The following SPINK6 variants were observed in gnomAD, a reference collection of about 807,000 sequenced individuals.
The protein encoded by SPINK6 is serine peptidase inhibitor Kazal type 6.
Under a neutral mutation model 11.7 loss-of-function variants are expected in SPINK6, and 13 were observed. The ratio of observed to expected loss-of-function variants is 1.11; its 90% CI spans 0.72 to 1.76. The LOEUF (loss-of-function observed/expected upper bound fraction) is 1.76, where lower values mean the gene tolerates loss of function less well. Ranked by LOEUF, SPINK6 falls within the 40% of genes most tolerant of loss-of-function variation. The pLI is 0.00. For missense variants in SPINK6, 98 were observed against 93.7 expected (o/e 1.05, Z -0.19); for synonymous variants, 21 against 31.9 (o/e 0.66, Z 1.15).
intron 2 of SPINK6, 79 bp downstream of exon 2, chr5:148,206,137 T>G: frequency 6.6e-7 from 1 of 1,519,000 alleles, no homozygotes; most frequent in Non-Finnish European, 9.1e-7. Flanking sequence ...GAAATTTGTC[T>G]ATGGTTAACA....
intron 2 of SPINK6, among the ~76,000 whole-genome samples, chr5:148,211,762 A>T (rs1417000951): frequency 6.6e-6 from 1 of 152,184 alleles, no homozygotes; most frequent in African/African-American, 2.4e-5. Context: ...TTCATATGCC[A>T]CTTGATTGAT....
chr5:148,214,864 C>T (rs777796576), intron 3 of SPINK6, 41 bp from the exon 4 acceptor site: 43 of 1,528,168 alleles, frequency 2.8e-5, no homozygotes, highest in Non-Finnish European at 3.9e-5. Flanking sequence ...TGAGTACTTA[C>T]GATATTGCAC....
At chr5:148,212,658 T>A (rs1224126419) in intron 2 of SPINK6, among the ~76,000 whole-genome samples, 1 of 110,302 alleles carries the variant, frequency 9.1e-6, no homozygotes, top group South Asian at 2.4e-4. Flanking sequence ...ATATATATAT[T>A]TATATATTTA....
chr5:148,211,433 T>C (rs1755596048), intron 2 of SPINK6, among the ~76,000 whole-genome samples: 1 of 152,178 alleles, frequency 6.6e-6, no homozygotes. Context: ...GTAGTTAGCA[T>C]AGACCTGTAA....
chr5:148,212,397 G>A (rs1229948022), intron 2 of SPINK6, among the ~76,000 whole-genome samples: 1 of 147,026 alleles, frequency 6.8e-6, no homozygotes, highest in Non-Finnish European at 1.5e-5. Context: ...TTGGAAGGCT[G>A]AGGTGGGAAG....
chr5:148,206,135 T>C, intron 2 of SPINK6, 77 bp downstream of exon 2: 3 of 1,539,028 alleles, frequency 1.9e-6, no homozygotes, highest in Non-Finnish European at 2.7e-6. Context: ...AAGAAATTTG[T>C]CTATGGTTAA....
chr5:148,203,081 T>C lies in SPINK6; in HGVS notation c.-16T>C. On this transcript the variant is annotated 5_prime_UTR_variant, in exon 1 of 4. Coordinates refer to ENST00000325630, the MANE Select transcript of SPINK6 (RefSeq NM_205841.4). ...CTGGACAAAGCAGCCTTGATCTGAG[T>C]GAGCTAACTGACACAATGAAACTGT... 1.3e-6 allele frequency: 2 copies of C among 1,593,840 alleles called. No homozygotes were observed. Among genetic ancestry groups the C allele is most frequent in the South Asian group, 2.3e-5 (2 of 88,582 alleles).
At chr5:148,204,247 G>T (rs193125723) in intron 1 of SPINK6, among the ~76,000 whole-genome samples, 2 of 152,012 alleles carry the variant, frequency 1.3e-5, no homozygotes, top group Admixed American at 1.3e-4. Flanking sequence ...ATGGGTAAAG[G>T]ATTCCTGTGA....
chr5:148,214,829 T>C lies in SPINK6; in HGVS notation c.198-76T>C. 2.6e-6 allele frequency: 3 copies of C among 1,140,938 alleles called. No individual in the cohort carries two copies. The African/African-American group carries it at 4.6e-5, about 18-fold the overall frequency. The allele number at this position is 1,140,938 out of a possible 1,614,324, so 70.7% of individuals were successfully genotyped here. ...AATAATTAAATGGACCATGCCATTG[T>C]TAAATATGTTTAGAACTTCTATGGT... is the stretch of plus-strand genomic sequence containing the variant. On this transcript the variant is annotated intron_variant, in intron 3 of 3. Transcript: ENST00000325630.
chr5:148,203,365 G>C (rs568769337), intron 1 of SPINK6, among the ~76,000 whole-genome samples: 14 of 152,138 alleles, frequency 9.2e-5, no homozygotes, highest in African/African-American at 3.4e-4. Flanking sequence ...CTATATTCTA[G>C]GCATGTACGA....
At chr5:148,214,707 G>A (rs1017816074) in intron 3 of SPINK6, among the ~76,000 whole-genome samples, 198 bp from the exon 4 acceptor site, 9 of 152,118 alleles carry the variant, frequency 5.9e-5, no homozygotes, top group Non-Finnish European at 1.3e-4. Context: ...TCTGAAATTT[G>A]TTTAAGATTC....
intron 3 of SPINK6, among the ~76,000 whole-genome samples, chr5:148,214,239 TTTG>T (rs1214399256): frequency 6.6e-6 from 1 of 152,216 alleles, no homozygotes; most frequent in African/African-American, 2.4e-5. Flanking sequence ...ATCGCTTTGC[TTTG>T]TTATTATTAA....
intron 2 of SPINK6, 81 bp downstream of exon 2, chr5:148,206,139 T>C (rs987647031): frequency 6.0e-6 from 9 of 1,500,274 alleles, no homozygotes; most frequent in African/African-American, 1.4e-5. Flanking sequence ...AATTTGTCTA[T>C]GGTTAACAGA....
upstream of SPINK6, chr5:148,202,795 T>C (rs2113303431): frequency 3.7e-6 from 1 of 273,520 alleles, no homozygotes; most frequent in Middle Eastern, 1.1e-3. Context: ...CCCTATAATG[T>C]AGTGAAACTT....
At chr5:148,214,867 T>C (rs2113320830) in intron 3 of SPINK6, 38 bp from the exon 4 acceptor site, 1 of 1,548,010 alleles carries the variant, frequency 6.5e-7, no homozygotes. Flanking sequence ...GTACTTACGA[T>C]ATTGCACTGA....
In SPINK6 at chr5:148,214,999, T is replaced by C; in HGVS notation, c.*49T>C. The C allele has an allele frequency of 6.4e-7, 1 of 1,564,088 alleles. No homozygotes were observed. The highest frequency in any genetic ancestry group is 8.8e-7 in the Non-Finnish European group (1 of 1,135,124). Reference sequence around the variant, plus strand: ...ACTTGCCAGCTTTTGCAGCCTTCTTTTCTCACTTCTGCTTATACTTTTGCT... The same window carrying C: ...ACTTGCCAGCTTTTGCAGCCTTCTTCTCTCACTTCTGCTTATACTTTTGCT... On this transcript the variant is annotated 3_prime_UTR_variant, in exon 4 of 4. Coordinates refer to ENST00000325630, the MANE Select transcript of SPINK6 (RefSeq NM_205841.4).
chr5:148,204,925 T>TA (rs1274714545), intron 1 of SPINK6, among the ~76,000 whole-genome samples: 1 of 152,090 alleles, frequency 6.6e-6, no homozygotes, highest in Non-Finnish European at 1.5e-5. Flanking sequence ...AAAAACCACT[T>TA]AGAGTCTTTA....
chr5:148,203,045 G>C lies in SPINK6; in HGVS notation c.-52G>C. ...GGGCTTTCTGGGAATTGTCTTGACA[G>C]AGAACCTCAGCTGGACAAAGCAGCC... On this transcript the variant is annotated 5_prime_UTR_variant, in exon 1 of 4. Transcript: ENST00000325630. 2 of 1,497,674 alleles carry C rather than the reference G, an allele frequency of 1.3e-6. No homozygotes were observed. The highest frequency in any genetic ancestry group is 1.8e-6 in the Non-Finnish European group (2 of 1,099,754). The allele number at this position is 1,497,674 out of a possible 1,614,324, so 92.8% of individuals were successfully genotyped here. A position where few individuals can be genotyped will look rare whatever the true frequency, so the allele number is the denominator to read the frequency against.
chr5:148,205,866 T>TAA (rs374061208), intron 1 of SPINK6, among the ~76,000 whole-genome samples, 170 bp from the exon 2 acceptor site: 2,145 of 140,512 alleles, frequency 0.015, 61 homozygotes, highest in African/African-American at 0.053. Context: ...GTGAGCAGAT[T>TAA]AAAAAAAAAA....
Sources: allele counts gnomAD v4.1 joint callset (sites outside exome capture counted in the v4.1 genomes callset), GRCh38; gene constraint gnomAD v4.1.1; transcripts MANE v1.5; gene names NCBI Gene and HGNC (gene_info 2026-07-23, HGNC 2026-07-21).